Variants in KDM4C observed in about 807,000 individuals in gnomAD.
KDM4C encodes lysine-specific demethylase 4C.
A neutral mutation model predicts 129.3 loss-of-function variants in KDM4C; 81 were observed. The ratio of observed to expected loss-of-function variants is 0.63; its 90% CI spans 0.52 to 0.75. The LOEUF (loss-of-function observed/expected upper bound fraction) is 0.75, where lower values mean the gene tolerates loss of function less well. KDM4C is among the 30% of genes least tolerant of loss of function. KDM4C has a pLI of 0.00. For synonymous variants in KDM4C, 573 were observed against 456.1 expected, an observed-to-expected ratio of 1.26 and a Z score of -3.26; for missense variants, 1,457 against 1,304.0, an observed-to-expected ratio of 1.12 and a Z score of -1.81.
At chr9:6,973,687 T>A (rs1832404406) in intron 8 of KDM4C, 1 of 152,210 alleles carries the variant, frequency 6.6e-6, no homozygotes, top group Non-Finnish European at 1.5e-5. Flanking sequence ...ATTCTGGGAA[T>A]TTTATTATGC....
chr9:6,946,097 A>G (rs892979046), intron 8 of KDM4C, among the ~76,000 whole-genome samples: 7 of 152,144 alleles, frequency 4.6e-5, no homozygotes, highest in South Asian at 2.1e-4. Context: ...GAATGATCCT[A>G]TGGTATTGCT....
intron 17 of KDM4C, among the ~76,000 whole-genome samples, chr9:7,091,318 A>G (rs1835771787): frequency 4.4e-5 from 3 of 68,722 alleles, no homozygotes. Context: ...ATAGGCAATA[A>G]AAGAAAAAAA....
intron 19 of KDM4C, among the ~76,000 whole-genome samples, chr9:7,130,625 T>G (rs932738020): frequency 1.3e-5 from 2 of 152,228 alleles, no homozygotes; most frequent in African/African-American, 2.4e-5. Context: ...GATTTGAGGC[T>G]TAACAGCAGT....
chr9:6,933,992 G>GGT (rs1824241195), intron 8 of KDM4C, among the ~76,000 whole-genome samples: 1 of 151,972 alleles, frequency 6.6e-6, no homozygotes, highest in Non-Finnish European at 1.5e-5. Context: ...TGGAATTATA[G>GGT]GTGTGCCCCA....
At chr9:6,731,445 G>T (rs952498251) in intron 1 of KDM4C, among the ~76,000 whole-genome samples, 1 of 149,772 alleles carries the variant, frequency 6.7e-6, no homozygotes, top group African/African-American at 2.5e-5. Context: ...TCCTGCCTCA[G>T]CCTCCTGAGT....
intron 17 of KDM4C, among the ~76,000 whole-genome samples, chr9:7,097,391 T>A (rs10976037): frequency 0.4 from 61,286 of 152,050 alleles, 12,987 homozygotes; most frequent in Middle Eastern, 0.53. Flanking sequence ...AGCCATCAGG[T>A]TGGAACTCAT....
rs1212598628 is a variant in KDM4C at position 6,948,198 on chromosome 9, A to G, written c.922-32727A>G. ...AATCTGAAGCATTACTAACTGCATT[A>G]AAGAACATTAACTGTTTTGTGACTT... On this transcript the variant is annotated intron_variant, in intron 8 of 21. Coordinates refer to ENST00000381309, the MANE Select transcript of KDM4C (RefSeq NM_015061.6). 4.6e-5 allele frequency: 7 copies of G among 152,362 alleles called. No individual in the cohort carries two copies. In the East Asian group the frequency reaches 1.3e-3, roughly 29 times the overall value. 9.4% of individuals were successfully genotyped at this position (152,362 alleles called of 1,614,324 possible).
rs192268753 is a variant in KDM4C at position 6,798,294 on chromosome 9, C to G, written c.144+5162C>G. 7.4e-5 allele frequency among the ~76,000 whole-genome samples: 11 copies of G among 148,956 alleles called. No individual in the cohort carries two copies. The East Asian group carries it at 1.8e-3, about 24-fold the overall frequency. On this transcript the variant is annotated intron_variant, in intron 2 of 21. Coordinates refer to ENST00000381309, the MANE Select transcript of KDM4C (RefSeq NM_015061.6). ...TTATTGATCATTCTTGGATGTTTCT[C>G]GCAGAGGGGGATTTGGCAGGGTCAT...
chr9:6,742,038 T>A (rs1166261890), intron 1 of KDM4C, among the ~76,000 whole-genome samples: 1 of 151,990 alleles, frequency 6.6e-6, no homozygotes, highest in Non-Finnish European at 1.5e-5. Flanking sequence ...AGTGGAGTGA[T>A]CTCGGCTCAC....
chr9:7,091,782 G>T (rs948863791), intron 17 of KDM4C, among the ~76,000 whole-genome samples: 4 of 152,084 alleles, frequency 2.6e-5, no homozygotes, highest in African/African-American at 9.7e-5. Context: ...ATCAGCCTGC[G>T]ACTGGGAAGA....
intron 19 of KDM4C, among the ~76,000 whole-genome samples, chr9:7,140,674 A>C (rs1344389052): frequency 6.6e-6 from 1 of 152,204 alleles, no homozygotes; most frequent in Non-Finnish European, 1.5e-5. Context: ...TATGCCCCCA[A>C]GTTTTCTTAC....
chr9:7,060,831 A>G (rs1341833727), intron 17 of KDM4C, among the ~76,000 whole-genome samples: 1 of 152,144 alleles, frequency 6.6e-6, no homozygotes. Context: ...TTGCGTGGGC[A>G]TGCATATTTG....
At chr9:6,977,395 T>C (rs1367278079) in intron 8 of KDM4C, among the ~76,000 whole-genome samples, 3 of 152,196 alleles carry the variant, frequency 2.0e-5, no homozygotes, top group Non-Finnish European at 4.4e-5. Context: ...AAATCAACTT[T>C]TTCCCAGTAT....
At position 6,849,635 on chromosome 9, in the gene KDM4C, A is replaced by T; in HGVS notation, c.564A>T (p.Ala188=). The change falls in exon 5 of 22, where the codon GCA becomes GCT. Residue 188 remains alanine (A), a synonymous_variant. Coordinates refer to ENST00000381309, the MANE Select transcript of KDM4C (RefSeq NM_015061.6). The stretch of plus-strand genomic sequence containing the variant: ...TTGGCATGTGGAAGACCACGTTTGC[A>T]TGGCACACCGAAGACATGGACCTCT... ...LYFGMWKTTF[A]WHTEDMDLYS... 1 of 1,613,916 alleles carries T rather than the reference A, an allele frequency of 6.2e-7. No individual in the cohort carries two copies. Among genetic ancestry groups the T allele is most frequent in the Non-Finnish European group, 8.5e-7 (1 of 1,179,812 alleles).
rs768908170 is a variant in KDM4C at position 6,990,420 on chromosome 9, C to G, written c.1682C>G (p.Ala561Gly). ...ERNSFKVPSIAEGENKTSKSW... is the reference protein window; with the variant it reads ...ERNSFKVPSIGEGENKTSKSW... ...CCATTTTTGTTCTATAACTAGATAGCAGAGGGAGAGAACAAAACCTCTAAG... is the reference window on the plus strand; with the variant it reads ...CCATTTTTGTTCTATAACTAGATAGGAGAGGGAGAGAACAAAACCTCTAAG... The change falls in exon 12 of 22, where the codon GCA becomes GGA. Residue 561 changes from alanine (A) to glycine (G), a missense_variant. Transcript: ENST00000381309. The G allele has an allele frequency of 6.2e-7, 1 of 1,605,026 alleles. No homozygotes were observed. Among genetic ancestry groups the G allele is most frequent in the Admixed American group, 1.7e-5 (1 of 59,732 alleles).
chr9:7,005,586 A>G (rs1200098886), intron 12 of KDM4C, among the ~76,000 whole-genome samples: 1 of 152,132 alleles, frequency 6.6e-6, no homozygotes, highest in East Asian at 1.9e-4. Context: ...CAAACTCTCA[A>G]GGCTTCCAAG....
At chr9:7,170,204 C>T in intron 21 of KDM4C, 8 of 1,219,326 alleles carry the variant, frequency 6.6e-6, no homozygotes, top group South Asian at 1.7e-5. Context: ...ACAAAGATAC[C>T]ATCAAGGCAT....
chr9:6,872,584 G>A (rs867718458), intron 5 of KDM4C, among the ~76,000 whole-genome samples: 2 of 152,114 alleles, frequency 1.3e-5, no homozygotes, highest in South Asian at 2.1e-4. Flanking sequence ...TTAGGAGTTC[G>A]CTCTTCTTGT....
At chr9:6,848,174 G>A (rs772082753) in intron 4 of KDM4C, among the ~76,000 whole-genome samples, 6 of 152,100 alleles carry the variant, frequency 3.9e-5, no homozygotes, top group East Asian at 1.9e-4. Context: ...GATTACAGGC[G>A]TGAGCCACTG....
Sources: allele counts gnomAD v4.1 joint callset (sites outside exome capture counted in the v4.1 genomes callset), GRCh38; gene constraint gnomAD v4.1.1; transcripts MANE v1.5; gene names NCBI Gene and HGNC (gene_info 2026-07-23, HGNC 2026-07-21).